TCF7L1: variants seen among roughly 807,000 people sequenced by gnomAD.
TCF7L1 encodes transcription factor 7-like 1.
TCF7L1 carries 18 observed loss-of-function variants against 63.7 expected under a neutral mutation model. The ratio of observed to expected loss-of-function variants is 0.28; its 90% CI spans 0.20 to 0.42. The LOEUF (loss-of-function observed/expected upper bound fraction) is 0.42, where lower values mean the gene tolerates loss of function less well. Ranked by LOEUF, TCF7L1 falls within the 10% of genes least tolerant of loss-of-function variation. The pLI is 1.00. For synonymous variants in TCF7L1, 355 were observed against 340.9 expected (o/e 1.04, Z -0.46); for missense variants, 654 against 779.3 (o/e 0.84, Z 1.91).
At chr2:85,204,307 C>A (rs1167006375) in intron 3 of TCF7L1, among the ~76,000 whole-genome samples, 1 of 111,140 alleles carries the variant, frequency 9.0e-6, no homozygotes, top group Non-Finnish European at 1.8e-5. Flanking sequence ...CCCCCCCCCA[C>A]TTAATAGGGT....
At chr2:85,197,878 G>A (rs1679193501) in intron 3 of TCF7L1, among the ~76,000 whole-genome samples, 1 of 152,198 alleles carries the variant, frequency 6.6e-6, no homozygotes, top group Non-Finnish European at 1.5e-5. Flanking sequence ...TTCTAGAAGA[G>A]AGTCTGCCTG....
At chr2:85,179,149 T>C (rs563200283) in intron 3 of TCF7L1, among the ~76,000 whole-genome samples, 1 of 152,228 alleles carries the variant, frequency 6.6e-6, no homozygotes, top group Admixed American at 6.5e-5. Context: ...TAATTGCCTT[T>C]ATTGCCATGT....
At chr2:85,144,823 C>T (rs1677838481) in intron 3 of TCF7L1, among the ~76,000 whole-genome samples, 2 of 151,640 alleles carry the variant, frequency 1.3e-5, no homozygotes, top group East Asian at 3.9e-4. Flanking sequence ...GTGGCTCCCT[C>T]CTGTAATCCC....
At chr2:85,277,847 G>A (rs1043676139) in intron 3 of TCF7L1, among the ~76,000 whole-genome samples, 1 of 152,144 alleles carries the variant, frequency 6.6e-6, no homozygotes, top group Admixed American at 6.5e-5. Flanking sequence ...GAGAACGTGC[G>A]AACAGGGAGA....
At chr2:85,290,119 C>T (rs1464221402) in intron 4 of TCF7L1, among the ~76,000 whole-genome samples, 4 of 152,038 alleles carry the variant, frequency 2.6e-5, no homozygotes, top group East Asian at 1.9e-4. Flanking sequence ...GCTGGGATTA[C>T]AGGCGCCTGC....
At chr2:85,295,084 G>C (rs951302225) in intron 4 of TCF7L1, among the ~76,000 whole-genome samples, 10 of 152,070 alleles carry the variant, frequency 6.6e-5, no homozygotes, top group Non-Finnish European at 1.5e-4. Flanking sequence ...CTTCTTACCA[G>C]TATACCTGTG....
chr2:85,254,215 A>G (rs1680653880), intron 3 of TCF7L1, among the ~76,000 whole-genome samples: 1 of 152,276 alleles, frequency 6.6e-6, no homozygotes, highest in African/African-American at 2.4e-5. Flanking sequence ...TCCCTGCAGC[A>G]GTGATGATGA....
At chr2:85,233,313 G>T (rs944992869) in intron 3 of TCF7L1, among the ~76,000 whole-genome samples, 1 of 110,524 alleles carries the variant, frequency 9.0e-6, no homozygotes, top group Non-Finnish European at 1.7e-5. Flanking sequence ...GTTAAATTCA[G>T]AGATTTTTTT....
chr2:85,241,203 T>C (rs182886601), intron 3 of TCF7L1, among the ~76,000 whole-genome samples: 2 of 152,308 alleles, frequency 1.3e-5, no homozygotes, highest in African/African-American at 2.4e-5. Context: ...GCATGTCTTT[T>C]GGAGCTCAGC....
chr2:85,218,061 G>A (rs919849218), intron 3 of TCF7L1, among the ~76,000 whole-genome samples: 1 of 151,930 alleles, frequency 6.6e-6, no homozygotes, highest in African/African-American at 2.4e-5. Flanking sequence ...AAGAATGCCC[G>A]AGAGGTGTTC....
At position 85,293,676 on chromosome 2, in the gene TCF7L1, T is replaced by A. The variant is rs998721018; in HGVS notation, c.526-8808T>A. On this transcript the variant is annotated intron_variant, in intron 4 of 11. Coordinates refer to ENST00000282111, the MANE Select transcript of TCF7L1 (RefSeq NM_031283.3). ...TAAATAGTAAAAGCAAACACATGGCTACATCCTGACCTATTGATCTTGTTT... is the reference window on the plus strand; with the variant it reads ...TAAATAGTAAAAGCAAACACATGGCAACATCCTGACCTATTGATCTTGTTT... Among the ~76,000 whole-genome samples the A allele has an allele frequency of 3.9e-5, 6 of 152,242 alleles. No individual in the cohort carries two copies. The East Asian group carries it at 7.7e-4, about 19-fold the overall frequency.
At chr2:85,308,961 G>A (rs932874340) in intron 11 of TCF7L1, 68 bp from the exon 12 acceptor site, 21 of 1,501,650 alleles carry the variant, frequency 1.4e-5, no homozygotes, top group African/African-American at 4.2e-5. Flanking sequence ...GTATCGCCAG[G>A]GCTGTTCCTC....
intron 3 of TCF7L1, among the ~76,000 whole-genome samples, chr2:85,266,067 G>A (rs1035433487): frequency 1.3e-5 from 2 of 152,070 alleles, no homozygotes; most frequent in African/African-American, 4.8e-5. Flanking sequence ...GGAAATACAT[G>A]TTTCGTATCT....
intron 4 of TCF7L1, among the ~76,000 whole-genome samples, chr2:85,284,982 C>A (rs1313844341): frequency 6.6e-6 from 1 of 152,122 alleles, no homozygotes; most frequent in East Asian, 1.9e-4. Flanking sequence ...GCCTGTAATC[C>A]CAGCACTTTG....
At chr2:85,197,548 G>A (rs1679185555) in intron 3 of TCF7L1, among the ~76,000 whole-genome samples, 1 of 152,174 alleles carries the variant, frequency 6.6e-6, no homozygotes, top group African/African-American at 2.4e-5. Context: ...TCTACTAAAA[G>A]TCCATTAATT....
At chr2:85,302,727 T>C in intron 5 of TCF7L1, 111 bp downstream of exon 5, 1 of 1,389,986 alleles carries the variant, frequency 7.2e-7, no homozygotes, top group Non-Finnish European at 9.7e-7. Context: ...CATGGCTCTT[T>C]GTCTCAGGAG....
rs143459613 is a variant in TCF7L1, at chr2:85,173,446, T to G, written c.441+38996T>G. 6.2e-3 allele frequency among the ~76,000 whole-genome samples: 945 copies of G among 152,214 alleles called. 13 individuals carry two copies. Among genetic ancestry groups the G allele is most frequent in the African/African-American group, 0.022 (905 of 41,542 alleles). On this transcript the variant is annotated intron_variant, in intron 3 of 11. Coordinates refer to ENST00000282111, the MANE Select transcript of TCF7L1 (RefSeq NM_031283.3). The stretch of plus-strand genomic sequence containing the variant: ...CATGGGGGGATATATAGAAGCACTC[T>G]GCGGGGAGGAGGGGCGCATGATTTT...
intron 3 of TCF7L1, among the ~76,000 whole-genome samples, chr2:85,257,675 G>A (rs973829916): frequency 6.6e-6 from 1 of 150,632 alleles, no homozygotes; most frequent in Admixed American, 6.6e-5. Flanking sequence ...ACCCTGACTG[G>A]CTTCCCCTTG....
rs1177950125 is a variant in TCF7L1, at chr2:85,306,043, G to A, written c.990-163G>A. 6.6e-6 allele frequency among the ~76,000 whole-genome samples: 1 copy of A among 152,100 alleles called. No homozygotes were observed. The highest frequency in any genetic ancestry group is 1.5e-5 in the Non-Finnish European group (1 of 68,012). ...CGTTCAAAGGTGGGAAACTACGGGA[G>A]GAAGGTACTCAGGTGTTGAGTGCAG... On this transcript the variant is annotated intron_variant, in intron 8 of 11. Transcript: ENST00000282111. The surrounding 1 kb of genome is among the most constrained non-coding windows in gnomAD (Gnocchi z 4.3).
Sources: gnomAD v4.1 joint callset for allele counts (sites outside exome capture counted in the v4.1 genomes callset) on GRCh38, gnomAD v4.1.1 for gene constraint, Gnocchi (gnomAD v3.1) non-coding constraint, MANE v1.5 for transcripts, NCBI Gene and HGNC (gene_info 2026-07-23, HGNC 2026-07-21) for gene names.